Variants in LINGO2 observed in about 807,000 individuals in gnomAD.
LINGO2 encodes leucine-rich repeat and immunoglobulin-like domain-containing nogo receptor-interacting protein 2.
A neutral mutation model predicts 30.6 loss-of-function variants in LINGO2; 14 were observed. The observed-to-expected ratio is 0.46, with a 90% confidence interval of 0.30 to 0.72. LINGO2 has a LOEUF of 0.72. Among genes scored for constraint, LINGO2 ranks in the 30% least tolerant of loss-of-function variants. LINGO2 has a pLI of 0.07. For synonymous variants in LINGO2, 317 were observed against 288.5 expected, an observed-to-expected ratio of 1.10 and a Z score of -1.00; for missense variants, 729 against 751.7, an observed-to-expected ratio of 0.97 and a Z score of 0.35.
the LINGO2 span, among the ~76,000 whole-genome samples, chr9:29,074,648 A>G: frequency 6.8e-6 from 1 of 147,390 alleles, no homozygotes; most frequent in African/African-American, 2.5e-5. Flanking sequence ...CACATAAGTT[A>G]CACATGCTCT....
the LINGO2 span, among the ~76,000 whole-genome samples, chr9:28,832,096 C>T: frequency 6.6e-6 from 1 of 152,026 alleles, no homozygotes; most frequent in South Asian, 2.1e-4. Flanking sequence ...TTGACTTGCT[C>T]ACCTTAACAG....
chr9:29,132,962 C>G, the LINGO2 span, among the ~76,000 whole-genome samples: 2 of 151,972 alleles, frequency 1.3e-5, no homozygotes, highest in African/African-American at 4.8e-5. Context: ...CTCAGGTAAT[C>G]CTCCTGCCTT....
intron 2 of LINGO2, among the ~76,000 whole-genome samples, chr9:28,397,543 CTTT>C (rs386414751): frequency 9.1e-6 from 1 of 110,002 alleles, no homozygotes; most frequent in African/African-American, 3.6e-5. Flanking sequence ...CAATAGATGT[CTTT>C]TTTTTTTTTT....
chr9:28,025,790 A>G (rs1823347688), intron 4 of LINGO2, among the ~76,000 whole-genome samples: 1 of 152,212 alleles, frequency 6.6e-6, no homozygotes, highest in Non-Finnish European at 1.5e-5. Context: ...AGCCAGACAA[A>G]CGACACTTTT....
chr9:28,346,630 G>A (rs1819584181), intron 3 of LINGO2, among the ~76,000 whole-genome samples: 1 of 152,094 alleles, frequency 6.6e-6, no homozygotes, highest in Non-Finnish European at 1.5e-5. Flanking sequence ...TTCCACAATG[G>A]TTGAACTAAT....
At chr9:29,074,802 G>C in the LINGO2 span, among the ~76,000 whole-genome samples, 1 of 149,590 alleles carries the variant, frequency 6.7e-6, no homozygotes, top group South Asian at 2.1e-4. Flanking sequence ...CGAGTAGCTG[G>C]GACTATAGGC....
intron 1 of LINGO2, among the ~76,000 whole-genome samples, chr9:28,482,795 T>C (rs1417390846): frequency 1.3e-5 from 2 of 152,186 alleles, no homozygotes; most frequent in South Asian, 4.1e-4. Flanking sequence ...TAGCCATATG[T>C]AGAAAGCTGA....
chr9:28,241,596 G>A (rs1157568142), intron 4 of LINGO2, among the ~76,000 whole-genome samples: 4 of 152,110 alleles, frequency 2.6e-5, no homozygotes, highest in Non-Finnish European at 5.9e-5. Context: ...TACCCCCAGT[G>A]TAGCACACCC....
At chr9:29,021,677 AAAGAAAGGAAGGAAGGAAGG>A in the LINGO2 span, among the ~76,000 whole-genome samples, 177 of 117,068 alleles carry the variant, frequency 1.5e-3, no homozygotes, top group African/African-American at 2.9e-3. Flanking sequence ...AGAAGAAAGA[AAAGAAAGGAAGGAAGGAAGG>A]AAGGAAGGAA....
At chr9:28,789,318 C>G in the LINGO2 span, among the ~76,000 whole-genome samples, 1 of 152,146 alleles carries the variant, frequency 6.6e-6, no homozygotes, top group African/African-American at 2.4e-5. Flanking sequence ...AAGCTATTAT[C>G]TCAATAGTAT....
At chr9:29,055,936 G>GTATATATATA in the LINGO2 span, among the ~76,000 whole-genome samples, 41 of 121,908 alleles carry the variant, frequency 3.4e-4, no homozygotes, top group South Asian at 7.8e-4. Flanking sequence ...GTGTATGTGT[G>GTATATATATA]TGTGTATATA....
intron 4 of LINGO2, among the ~76,000 whole-genome samples, chr9:28,232,780 C>G (rs1387454384): frequency 6.6e-6 from 1 of 151,612 alleles, no homozygotes; most frequent in Non-Finnish European, 1.5e-5. Flanking sequence ...CTCCCCATGC[C>G]CTGCCAACCA....
intron 4 of LINGO2, among the ~76,000 whole-genome samples, chr9:28,071,084 T>C (rs760772348): frequency 2.0e-5 from 3 of 152,162 alleles, no homozygotes; most frequent in Non-Finnish European, 2.9e-5. Flanking sequence ...CCAACAGTTA[T>C]CTTATGGAAT....
At chr9:27,991,825 T>C (rs943100227) in intron 5 of LINGO2, among the ~76,000 whole-genome samples, 1 of 152,226 alleles carries the variant, frequency 6.6e-6, no homozygotes, top group South Asian at 2.1e-4. Flanking sequence ...TTGTGAGAAA[T>C]AGGCAGTCAT....
chr9:28,895,786 A>T, the LINGO2 span, among the ~76,000 whole-genome samples: 1 of 152,074 alleles, frequency 6.6e-6, no homozygotes, highest in African/African-American at 2.4e-5. Flanking sequence ...TAGTAATGGG[A>T]TGACTTTTTA....
chr9:28,730,246 G>C, the LINGO2 span, among the ~76,000 whole-genome samples: 1 of 152,116 alleles, frequency 6.6e-6, no homozygotes, highest in Non-Finnish European at 1.5e-5. Context: ...GGAAAAGAGA[G>C]ACTAGGATAA....
At chr9:29,093,583 A>G in the LINGO2 span, among the ~76,000 whole-genome samples, 1 of 136,324 alleles carries the variant, frequency 7.3e-6, no homozygotes, top group Non-Finnish European at 1.6e-5. Context: ...CACATTATAT[A>G]TAAGAATTAA....
At chr9:28,345,814 T>C (rs945649810) in intron 3 of LINGO2, among the ~76,000 whole-genome samples, 3 of 152,112 alleles carry the variant, frequency 2.0e-5, no homozygotes, top group Non-Finnish European at 2.9e-5. Flanking sequence ...TGTCAATTGC[T>C]CAGTAGTGAC....
At chr9:29,107,542 C>T in the LINGO2 span, among the ~76,000 whole-genome samples, 1 of 151,982 alleles carries the variant, frequency 6.6e-6, no homozygotes, top group African/African-American at 2.4e-5. Context: ...AAATGATTGT[C>T]TTTTAAAATT....
Sources: gnomAD v4.1 joint callset for allele counts (sites outside exome capture counted in the v4.1 genomes callset) on GRCh38, gnomAD v4.1.1 for gene constraint, MANE v1.5 for transcripts, NCBI Gene and HGNC (gene_info 2026-07-23, HGNC 2026-07-21) for gene names.